Variants in MIOS observed in about 807,000 individuals in gnomAD.
MIOS encodes the protein GATOR2 complex protein MIOS.
In MIOS, 52 loss-of-function variants were observed where a neutral mutation model predicts 96.9. The observed-to-expected ratio is 0.54, with a 90% CI of 0.43 to 0.68. The LOEUF (loss-of-function observed/expected upper bound fraction) is 0.68, where lower values mean the gene tolerates loss of function less well. MIOS is among the 30% of genes least tolerant of loss of function. The pLI, the probability that MIOS is intolerant of heterozygous loss-of-function variation, is 0.00. For synonymous variants in MIOS, 397 were observed against 359.5 expected, an observed-to-expected ratio of 1.10 and a Z score of -1.18; for missense variants, 1,005 against 1,052.8, an observed-to-expected ratio of 0.95 and a Z score of 0.63.
At chr7:7,577,989 A>G (rs1423270034) in intron 5 of MIOS, among the ~76,000 whole-genome samples, 2 of 152,194 alleles carry the variant, frequency 1.3e-5, no homozygotes, top group Non-Finnish European at 2.9e-5. Context: ...GATAAGACTG[A>G]TAAGTAAAAA....
intron 5 of MIOS, among the ~76,000 whole-genome samples, chr7:7,577,088 G>A (rs1388740976): frequency 6.6e-6 from 1 of 152,184 alleles, no homozygotes; most frequent in African/African-American, 2.4e-5. Flanking sequence ...AGAAATAAAT[G>A]ATATTTGATA....
At chr7:7,597,588 T>C (rs1261911583) in intron 11 of MIOS, among the ~76,000 whole-genome samples, 1 of 148,710 alleles carries the variant, frequency 6.7e-6, no homozygotes, top group Non-Finnish European at 1.5e-5. Context: ...ATTTTTATTT[T>C]ATACATTGCA....
intron 7 of MIOS, among the ~76,000 whole-genome samples, chr7:7,587,030 G>C (rs188507644): frequency 1.6e-3 from 198 of 125,634 alleles, no homozygotes; most frequent in African/African-American, 6.3e-3. Flanking sequence ...TGTTGTTTTT[G>C]AGACAGTGTC....
In MIOS at chr7:7,595,021, C is replaced by G. The variant is rs963917207; in HGVS notation, c.2085C>G (p.Tyr695Ter). The part of the protein sequence containing the change: ...LDVLKDERVQ[Y>*]WIENYRNLLD... ...TTCTTAAAGATGAAAGGGTTCAGTA[C>G]TGGATTGAGAATTATAGAAATTTAT... Residue 695 changes from tyrosine to a stop codon, truncating the protein, a stop_gained, in exon 10 of 13, where the codon TAC becomes TAG. Transcript: ENST00000340080. LOFTEE classifies it high-confidence loss of function. The G allele has an allele frequency of 6.2e-7, 1 of 1,613,254 alleles. No homozygotes were observed. The highest frequency in any genetic ancestry group is 1.3e-5 in the African/African-American group (1 of 74,858).
At position 7,574,112 on chromosome 7, in the gene MIOS, A is replaced by G. The variant is rs2115355438; in HGVS notation, c.1309A>G (p.Thr437Ala). 3 of 1,608,766 alleles carry G rather than the reference A, an allele frequency of 1.9e-6. No homozygotes were observed. The highest frequency in any genetic ancestry group is 2.2e-5 in the East Asian group (1 of 44,674). The change falls in exon 5 of 13, where the codon ACA becomes GCA. Residue 437 changes from threonine to alanine, a missense_variant. Coordinates refer to ENST00000340080, the MANE Select transcript of MIOS (RefSeq NM_019005.4). ...WYTLHFMKQY[T>A]EDMDQKSPGN... Reference sequence around the variant, plus strand: ...CATTTAAATACTTATGAAGCAATACACAGAAGATATGGATCAGAAATCTCC... The same window carrying G: ...CATTTAAATACTTATGAAGCAATACGCAGAAGATATGGATCAGAAATCTCC...
chr7:7,585,505 AACC>A, intron 6 of MIOS, 128 bp from the exon 7 acceptor site: 1 of 689,778 alleles, frequency 1.4e-6, no homozygotes, highest in Non-Finnish European at 2.1e-6. Context: ...AGCAGCCCAA[AACC>A]CTTATTCTCT....
At chr7:7,570,072 C>T (rs989295779) in intron 3 of MIOS, among the ~76,000 whole-genome samples, 1 of 152,186 alleles carries the variant, frequency 6.6e-6, no homozygotes, top group Non-Finnish European at 1.5e-5. Context: ...AAGATTTTTA[C>T]TCTGGTATTC....
rs75078176 is a variant in MIOS, at chr7:7,571,825, G to A, written c.-40-611G>A. 8.8e-3 allele frequency among the ~76,000 whole-genome samples: 1,342 copies of A among 152,262 alleles called. 17 individuals carry two copies. The highest frequency in any genetic ancestry group is 0.026 in the African/African-American group (1,086 of 41,536). The stretch of plus-strand genomic sequence containing the variant: ...GCTTATTACTAAAGTTGAAGAAACC[G>A]CTGTCTTAGTATGACATTGTACTTT... On this transcript the variant is annotated intron_variant, in intron 3 of 12. Coordinates refer to ENST00000340080, the MANE Select transcript of MIOS (RefSeq NM_019005.4).
chr7:7,590,111 T>A (rs1400631737), intron 9 of MIOS, among the ~76,000 whole-genome samples: 2 of 152,204 alleles, frequency 1.3e-5, no homozygotes, highest in Non-Finnish European at 2.9e-5. Context: ...TAGAGTATTC[T>A]CCTGAGATTT....
In MIOS at chr7:7,607,173, A is replaced by G. The variant is rs1784556394; in HGVS notation, c.*81A>G. On this transcript the variant is annotated 3_prime_UTR_variant, in exon 13 of 13. Coordinates refer to ENST00000340080, the MANE Select transcript of MIOS (RefSeq NM_019005.4). ...TCATAGCTCAGAAACATACCTCAGA[A>G]CAAGCCATTCATGACTTACCTGTAA... is the stretch of plus-strand genomic sequence containing the variant. 9.4e-7 allele frequency: 1 copy of G among 1,059,406 alleles called. No individual in the cohort carries two copies. The allele number at this position is 1,059,406 out of a possible 1,614,324, so 65.6% of individuals were successfully genotyped here.
chr7:7,592,641 GATC>G (rs1396887543), intron 9 of MIOS, among the ~76,000 whole-genome samples: 2 of 151,818 alleles, frequency 1.3e-5, no homozygotes, highest in Non-Finnish European at 1.5e-5. Flanking sequence ...GACATTGACA[GATC>G]ATCAGGCATT....
At chr7:7,593,651 T>C (rs1341209995) in intron 9 of MIOS, among the ~76,000 whole-genome samples, 1 of 151,836 alleles carries the variant, frequency 6.6e-6, no homozygotes, top group Non-Finnish European at 1.5e-5. Flanking sequence ...CCCAGCACTT[T>C]GGGAGGCCGA....
Position 7,572,981 on chromosome 7 carries a change from A to C in MIOS, c.506A>C (p.Glu169Ala), listed in dbSNP as rs1783404795. Residue 169 changes from glutamate to alanine, a missense_variant, in exon 4 of 13, where the codon GAA becomes GCA. By Grantham distance (107) the Glu-to-Ala change is moderately radical. Coordinates refer to ENST00000340080, the MANE Select transcript of MIOS (RefSeq NM_019005.4). The surrounding 1 kb of genome is among the most constrained non-coding windows in gnomAD (Gnocchi z 4.8). ...EKVKLSAGET[E>A]TTLLVTKPLY... ...GTGAAACTTTCAGCAGGTGAAACTG[A>C]AACAACATTATTAGTAACAAAACCA... The C allele has an allele frequency of 6.2e-7, 1 of 1,614,004 alleles. No homozygotes were observed. Among genetic ancestry groups the C allele is most frequent in the Non-Finnish European group, 8.5e-7 (1 of 1,180,000 alleles).
chr7:7,595,850 G>A (rs1385727770), intron 10 of MIOS, among the ~76,000 whole-genome samples: 1 of 152,132 alleles, frequency 6.6e-6, no homozygotes, highest in African/African-American at 2.4e-5. Flanking sequence ...TTATAAGTTT[G>A]TTAACTCTCT....
In MIOS at chr7:7,595,215, T is replaced by A. The variant is rs921879979; in HGVS notation, c.2196+83T>A. The A allele has an allele frequency of 5.7e-6, 8 of 1,409,864 alleles. No homozygotes were observed. The African/African-American group carries it at 1.2e-4, about 20-fold the overall frequency. 87.3% of individuals were successfully genotyped at this position (1,409,864 alleles called of 1,614,324 possible). ...AGTTACTATTAGCTCATTATTTTGC[T>A]TATATTGAGTTCCCATTGATGTCTT... On this transcript the variant is annotated intron_variant, in intron 10 of 12. Transcript: ENST00000340080.
In MIOS at chr7:7,595,103, T is replaced by C. The variant is rs773470795; in HGVS notation, c.2167T>C (p.Leu723=). 1.1e-5 allele frequency: 18 copies of C among 1,613,702 alleles called. No homozygotes were observed. The highest frequency in any genetic ancestry group is 6.6e-5 in the South Asian group (6 of 90,950). The part of the protein sequence containing the change: ...RAEFDIHRSK[L]DPSSKPLAQV... ...TGAATTTGATATTCACAGGAGTAAGTTGGATCCCAGTTCCAAGCCTTTAGC... is the reference window on the plus strand; with the variant it reads ...TGAATTTGATATTCACAGGAGTAAGCTGGATCCCAGTTCCAAGCCTTTAGC... Residue 723 remains leucine, a synonymous_variant, in exon 10 of 13, where the codon TTG becomes CTG. Transcript: ENST00000340080.
At chr7:7,606,864 T>C in intron 12 of MIOS, 132 bp from the exon 13 acceptor site, 1 of 661,748 alleles carries the variant, frequency 1.5e-6, no homozygotes, top group East Asian at 3.0e-5. Context: ...GGCAGGAGGA[T>C]CACTTGAGCC....
At position 7,607,279 on chromosome 7, in the gene MIOS, CA is replaced by C; in HGVS notation, c.*191del. ...TATGCTTCACAGAGACAAATGCTGC[CA>C]AAATAAACATCGAAGTATAGACATG... is the stretch of plus-strand genomic sequence containing the variant. On this transcript the variant is annotated 3_prime_UTR_variant, in exon 13 of 13. Coordinates refer to ENST00000340080, the MANE Select transcript of MIOS (RefSeq NM_019005.4). The C allele has an allele frequency of 2.1e-6, 1 of 487,522 alleles. No homozygotes were observed. The highest frequency in any genetic ancestry group is 3.6e-6 in the Non-Finnish European group (1 of 278,460). The allele number at this position is 487,522 out of a possible 1,614,324, so 30.2% of individuals were successfully genotyped here. A position where few individuals can be genotyped will look rare whatever the true frequency, so the allele number is the denominator to read the frequency against.
intron 12 of MIOS, among the ~76,000 whole-genome samples, chr7:7,606,783 TATAG>T (rs1391243314): frequency 4.6e-5 from 7 of 152,172 alleles, no homozygotes; most frequent in Non-Finnish European, 1.0e-4. Flanking sequence ...AAAGTTGCAT[TATAG>T]ATAGATATAA....
Sources: allele counts gnomAD v4.1 joint callset (sites outside exome capture counted in the v4.1 genomes callset), GRCh38; gene constraint gnomAD v4.1.1; non-coding constraint Gnocchi (gnomAD v3.1); transcripts MANE v1.5; gene names NCBI Gene and HGNC (gene_info 2026-07-23, HGNC 2026-07-21).